The following SHROOM2 variants were observed in gnomAD, a reference collection of about 807,000 sequenced individuals.
SHROOM2 encodes shroom family member 2, also known as protein Shroom2.
In SHROOM2, 33 loss-of-function variants were observed where a neutral mutation model predicts 75.9. The ratio of observed to expected loss-of-function variants is 0.43; its 90% CI spans 0.33 to 0.58. The LOEUF (loss-of-function observed/expected upper bound fraction) is 0.58, where lower values mean the gene tolerates loss of function less well. SHROOM2 is among the 20% of genes least tolerant of loss of function. The pLI is 0.04. For missense variants in SHROOM2, 1,434 were observed against 1,461.2 expected (o/e 0.98, Z 0.30); for synonymous variants, 655 against 663.6 (o/e 0.99, Z 0.20).
intron 5 of SHROOM2, among the ~76,000 whole-genome samples, chrX:9,901,552 A>C (rs2084365508): frequency 8.9e-6 from 1 of 112,194 alleles, no homozygotes; most frequent in Non-Finnish European, 1.9e-5. Flanking sequence ...GCATTTGGCA[A>C]AACCTGACTG....
At chrX:9,913,264 A>G (rs2084449669) in intron 5 of SHROOM2, 1 of 112,817 alleles carries the variant, frequency 8.9e-6, no homozygotes. Flanking sequence ...AAAAGCGGCG[A>G]AATCAGGTGT....
At chrX:9,797,172 A>G (rs984206993) in intron 1 of SHROOM2, among the ~76,000 whole-genome samples, 1 of 112,037 alleles carries the variant, frequency 8.9e-6, no homozygotes. Context: ...CAGCCTCCCT[A>G]GCAGTTAGCT....
chrX:9,860,256 G>A (rs948374358), intron 1 of SHROOM2, among the ~76,000 whole-genome samples: 2 of 111,828 alleles, frequency 1.8e-5, no homozygotes, highest in African/African-American at 6.5e-5. Flanking sequence ...AGGTGGAGGA[G>A]CGTGGTTTGG....
chrX:9,788,437 C>T (rs1475827827), intron 1 of SHROOM2, among the ~76,000 whole-genome samples: 1 of 111,472 alleles, frequency 9.0e-6, no homozygotes, highest in African/African-American at 3.3e-5. Flanking sequence ...CATTTGAAAG[C>T]CTCATGGGAG....
intron 1 of SHROOM2, among the ~76,000 whole-genome samples, chrX:9,800,999 C>G (rs1251626255): frequency 9.0e-6 from 1 of 111,141 alleles, no homozygotes; most frequent in Non-Finnish European, 1.9e-5. Flanking sequence ...TTAGTCTGTT[C>G]TCACGCTGCC....
chrX:9,839,719 T>C (rs750719053), intron 1 of SHROOM2, among the ~76,000 whole-genome samples: 1 of 111,650 alleles, frequency 9.0e-6, no homozygotes, highest in South Asian at 3.8e-4. Flanking sequence ...CATTGCTGAG[T>C]ATTAGTGCAG....
intron 1 of SHROOM2, among the ~76,000 whole-genome samples, chrX:9,864,170 G>A (rs1212752804): frequency 2.7e-5 from 3 of 110,781 alleles, no homozygotes; most frequent in Non-Finnish European, 5.7e-5. Context: ...CCCAAGCGCC[G>A]GTACCTTCAG....
At chrX:9,892,270 A>AG (rs1170109442) in intron 3 of SHROOM2, among the ~76,000 whole-genome samples, 1 of 107,844 alleles carries the variant, frequency 9.3e-6, no homozygotes, top group East Asian at 2.9e-4. Context: ...AAAAAAAAAA[A>AG]GAAAAGAAAA....
intron 2 of SHROOM2, among the ~76,000 whole-genome samples, chrX:9,878,101 T>A (rs1183073957): frequency 8.9e-6 from 1 of 112,267 alleles, no homozygotes; most frequent in Non-Finnish European, 1.9e-5. Flanking sequence ...AAATATCACA[T>A]CATAAATTAT....
chrX:9,910,526 C>T (rs2084417112), intron 5 of SHROOM2, among the ~76,000 whole-genome samples: 1 of 110,177 alleles, frequency 9.1e-6, no homozygotes, highest in Non-Finnish European at 1.9e-5. Flanking sequence ...GGCAACATAG[C>T]AAGACCCTGG....
intron 5 of SHROOM2, among the ~76,000 whole-genome samples, chrX:9,917,039 A>G (rs1460006794): frequency 1.8e-5 from 2 of 111,833 alleles, no homozygotes; most frequent in Non-Finnish European, 3.8e-5. Flanking sequence ...TGTAGCCACC[A>G]GGAGCTCTGT....
chrX:9,948,607 G>T lies in SHROOM2; in HGVS notation c.*1670G>T, dbSNP rs1168077597. 1 of 113,468 alleles carries T rather than the reference G, an allele frequency of 8.8e-6. No individual in the cohort carries two copies. Among genetic ancestry groups the T allele is most frequent in the East Asian group, 2.8e-4 (1 of 3,599 alleles). The allele number at this position is 113,468 out of a possible 1,213,427, so 9.4% of individuals were successfully genotyped here. On this transcript the variant is annotated 3_prime_UTR_variant, in exon 10 of 10. Transcript: ENST00000380913. The stretch of plus-strand genomic sequence containing the variant: ...CCTGAGCCAGAGGGGCCGTGTTGAC[G>T]GTAATGCATTCTCTATAGAGCCAAG...
chrX:9,846,295 TTTATTA>T (rs201081270), intron 1 of SHROOM2, among the ~76,000 whole-genome samples: 1 of 108,736 alleles, frequency 9.2e-6, no homozygotes, highest in Admixed American at 9.9e-5. Flanking sequence ...AATTCTTTTA[TTTATTA>T]TTATTATTTT....
chrX:9,916,449 T>A (rs1413518489), intron 5 of SHROOM2, among the ~76,000 whole-genome samples: 1 of 112,102 alleles, frequency 8.9e-6, no homozygotes, highest in East Asian at 2.8e-4. Context: ...ACTTGTGCTC[T>A]TCCATGTTGA....
chrX:9,934,743 G>A (rs1446419965), intron 6 of SHROOM2, among the ~76,000 whole-genome samples: 1 of 111,871 alleles, frequency 8.9e-6, no homozygotes, highest in Admixed American at 9.5e-5. Flanking sequence ...GTTGGAAAGT[G>A]TATGTGAACC....
At chrX:9,791,494 T>C (rs1448482216) in intron 1 of SHROOM2, among the ~76,000 whole-genome samples, 2 of 112,203 alleles carry the variant, frequency 1.8e-5, no homozygotes, top group East Asian at 5.6e-4. Context: ...CACGATAATG[T>C]TAGAATGTAA....
At chrX:9,806,914 G>A (rs1015519768) in intron 1 of SHROOM2, among the ~76,000 whole-genome samples, 1 of 111,307 alleles carries the variant, frequency 9.0e-6, no homozygotes, top group South Asian at 3.8e-4. Context: ...AGTCGAGCTG[G>A]GCTTTCACCA....
Position 9,864,697 on chromosome X carries a change from C to T in SHROOM2, c.166-8955C>T, listed in dbSNP as rs1437468044. Among the ~76,000 whole-genome samples the T allele has an allele frequency of 1.9e-4, 20 of 107,229 alleles. No homozygotes were observed. In the East Asian group the frequency reaches 3.5e-3, roughly 19 times the overall value. The allele number at this position is 107,229 out of a possible 115,157, so 93.1% of individuals were successfully genotyped here. A position where few individuals can be genotyped will look rare whatever the true frequency, so the allele number is the denominator to read the frequency against. On this transcript the variant is annotated intron_variant, in intron 1 of 9. Transcript: ENST00000380913. Reference sequence around the variant, plus strand: ...AAAATTAGCCGGGCGTAGTGGCGGGCGCCTGTAGTCCCAGCTACTTGGGAG... The same window carrying T: ...AAAATTAGCCGGGCGTAGTGGCGGGTGCCTGTAGTCCCAGCTACTTGGGAG...
intron 1 of SHROOM2, among the ~76,000 whole-genome samples, chrX:9,792,779 G>C (rs1258572552): frequency 9.1e-6 from 1 of 109,674 alleles, no homozygotes; most frequent in South Asian, 4.0e-4. Flanking sequence ...GGAGTGCAGT[G>C]GCATGATCTT....
Sources: allele counts gnomAD v4.1 joint callset (sites outside exome capture counted in the v4.1 genomes callset), GRCh38; gene constraint gnomAD v4.1.1; transcripts MANE v1.5; gene names NCBI Gene and HGNC (gene_info 2026-07-23, HGNC 2026-07-21).